Variants in UGGT2 observed in about 807,000 individuals in gnomAD.
UGGT2 encodes the protein UDP-glucose:glycoprotein glucosyltransferase 2.
UGGT2 carries 180 observed loss-of-function variants against 192.1 expected under a neutral mutation model. The observed-to-expected ratio is 0.94, with a 90% CI of 0.83 to 1.06. The LOEUF (loss-of-function observed/expected upper bound fraction) is 1.06. UGGT2 is among the 50% of genes least tolerant of loss of function. The pLI, the probability that UGGT2 is intolerant of heterozygous loss-of-function variation, is 0.00. For missense variants in UGGT2, 1,849 were observed against 1,795.7 expected (o/e 1.03, Z -0.54); for synonymous variants, 580 against 591.0 (o/e 0.98, Z 0.27).
At chr13:95,843,969 TA>T (rs1251894999) in intron 36 of UGGT2, among the ~76,000 whole-genome samples, 2 of 152,150 alleles carry the variant, frequency 1.3e-5, no homozygotes, top group Non-Finnish European at 2.9e-5. Context: ...TTTAATTATT[TA>T]TTTTTTTGAG....
intron 29 of UGGT2, among the ~76,000 whole-genome samples, chr13:95,867,972 C>G (rs1255346961): frequency 6.6e-6 from 1 of 151,984 alleles, no homozygotes; most frequent in Non-Finnish European, 1.5e-5. Context: ...CAGTTTTTTT[C>G]TCCCATTTTC....
At chr13:96,029,803 A>G (rs1397962992) in intron 2 of UGGT2, among the ~76,000 whole-genome samples, 2 of 152,156 alleles carry the variant, frequency 1.3e-5, no homozygotes, top group Non-Finnish European at 2.9e-5. Flanking sequence ...TACAGGAGTA[A>G]TTTTTAAGAT....
intron 11 of UGGT2, 23 bp downstream of exon 11, chr13:95,972,557 T>C: frequency 6.5e-7 from 1 of 1,544,326 alleles, no homozygotes; most frequent in East Asian, 2.3e-5. Flanking sequence ...ATAGTTCATT[T>C]ACAGCAATAA....
chr13:95,863,573 C>T lies in UGGT2; in HGVS notation c.3644+56G>A, dbSNP rs1365833475. 4.2e-6 allele frequency: 6 copies of T among 1,413,278 alleles called. 1 individual carries two copies. The highest frequency in any genetic ancestry group is 3.0e-6 in the Non-Finnish European group (3 of 1,003,252). The allele number at this position is 1,413,278 out of a possible 1,614,324, so 87.5% of individuals were successfully genotyped here. A position where few individuals can be genotyped will look rare whatever the true frequency, so the allele number is the denominator to read the frequency against. ...ATTTTCACTACCTGTGGAACTTCCACATACTAGACTTCTGGATCAATCTAG... is the reference window on the plus strand; with the variant it reads ...ATTTTCACTACCTGTGGAACTTCCATATACTAGACTTCTGGATCAATCTAG... On this transcript the variant is annotated intron_variant, in intron 31 of 38. Coordinates refer to ENST00000376747, the MANE Select transcript of UGGT2 (RefSeq NM_020121.4).
At chr13:95,829,420 C>T (rs1052221138) in intron 38 of UGGT2, among the ~76,000 whole-genome samples, 7 of 152,084 alleles carry the variant, frequency 4.6e-5, no homozygotes, top group Non-Finnish European at 1.5e-5. Flanking sequence ...TTTAGAAAAC[C>T]CCATCGTCTC....
chr13:95,933,084 A>T (rs1458718340), intron 17 of UGGT2, among the ~76,000 whole-genome samples: 3 of 152,188 alleles, frequency 2.0e-5, no homozygotes, highest in Admixed American at 6.5e-5. Context: ...AGGATAACAC[A>T]GGTTTTGCAG....
chr13:95,870,624 A>G (rs1891135291), intron 29 of UGGT2, among the ~76,000 whole-genome samples: 2 of 152,152 alleles, frequency 1.3e-5, no homozygotes, highest in African/African-American at 2.4e-5. Context: ...TTTGTTCTCA[A>G]GCATTCCTAG....
At chr13:96,011,231 T>A (rs376701800) in intron 5 of UGGT2, among the ~76,000 whole-genome samples, 1 of 152,046 alleles carries the variant, frequency 6.6e-6, no homozygotes, top group Non-Finnish European at 1.5e-5. Context: ...AACAAAAAAA[T>A]GATGAACTGG....
At chr13:95,927,958 G>A (rs2049085505) in intron 17 of UGGT2, among the ~76,000 whole-genome samples, 1 of 152,170 alleles carries the variant, frequency 6.6e-6, no homozygotes, top group African/African-American at 2.4e-5. Flanking sequence ...CACAGCACAT[G>A]TTTCAGAGAG....
intron 2 of UGGT2, among the ~76,000 whole-genome samples, 154 bp from the exon 3 acceptor site, chr13:96,023,913 G>A (rs765633354): frequency 1.8e-4 from 27 of 152,228 alleles, no homozygotes; most frequent in South Asian, 4.1e-4. Context: ...CAAGATCTCA[G>A]TTCTATAATC....
At chr13:95,922,059 A>T (rs2048860966) in intron 20 of UGGT2, among the ~76,000 whole-genome samples, 1 of 152,236 alleles carries the variant, frequency 6.6e-6, no homozygotes, top group Non-Finnish European at 1.5e-5. Context: ...AATAAAGAAA[A>T]TGTGACTCAT....
At chr13:95,843,939 GATTTT>G (rs1464508196) in intron 36 of UGGT2, among the ~76,000 whole-genome samples, 1 of 151,912 alleles carries the variant, frequency 6.6e-6, no homozygotes, top group Non-Finnish European at 1.5e-5. Context: ...TTGTTTTGGT[GATTTT>G]ATTTTTTATT....
intron 27 of UGGT2, among the ~76,000 whole-genome samples, chr13:95,881,636 G>A (rs2047498958): frequency 6.6e-6 from 1 of 152,082 alleles, no homozygotes; most frequent in Non-Finnish European, 1.5e-5. Flanking sequence ...GTTTCAGAGG[G>A]ATTAATGCAT....
rs374996873 is a variant in UGGT2 at position 95,895,237 on chromosome 13, C to T, written c.2702G>A (p.Ser901Asn). 3 of 1,576,736 alleles carry T rather than the reference C, an allele frequency of 1.9e-6. No homozygotes were observed. Among genetic ancestry groups the T allele is most frequent in the African/African-American group, 2.7e-5 (2 of 73,184 alleles). Residue 901 changes from serine to asparagine, a missense_variant, in exon 23 of 39, where the codon AGT becomes AAT. Transcript: ENST00000376747. Reference sequence around the variant, plus strand: ...GCCTTTAATTTTCTCTCCTAAATTACTAAATGTTATCTTTTCCAACAAGTA... The same window carrying T: ...GCCTTTAATTTTCTCTCCTAAATTATTAAATGTTATCTTTTCCAACAAGTA... Reference protein sequence around the residue: ...DFYLLEKITFSNLGEKIKGIV... With the variant: ...DFYLLEKITFNNLGEKIKGIV...
chr13:95,977,455 C>G (rs764686695), intron 10 of UGGT2, among the ~76,000 whole-genome samples: 1 of 152,086 alleles, frequency 6.6e-6, no homozygotes, highest in Non-Finnish European at 1.5e-5. Context: ...AAAAAAAGTT[C>G]ATTATCACTA....
At chr13:96,051,593 T>C (rs2053487581) in intron 1 of UGGT2, among the ~76,000 whole-genome samples, 1 of 150,876 alleles carries the variant, frequency 6.6e-6, no homozygotes, top group African/African-American at 2.4e-5. Context: ...TCTATACATC[T>C]GAAAAAGGAT....
At chr13:95,924,592 G>C (rs927714031) in intron 20 of UGGT2, among the ~76,000 whole-genome samples, 1 of 151,866 alleles carries the variant, frequency 6.6e-6, no homozygotes, top group African/African-American at 2.4e-5. Flanking sequence ...GCCCTGTAAA[G>C]CACCTTTCAT....
chr13:95,869,606 T>A (rs867871788), intron 29 of UGGT2, among the ~76,000 whole-genome samples: 22 of 152,184 alleles, frequency 1.4e-4, no homozygotes, highest in South Asian at 2.1e-4. Flanking sequence ...TTGAGGAAAG[T>A]ACAATTATTA....
chr13:95,998,400 C>G (rs930085784), intron 6 of UGGT2, among the ~76,000 whole-genome samples: 7 of 151,926 alleles, frequency 4.6e-5, no homozygotes, highest in Admixed American at 3.9e-4. Context: ...ACTCTTTAAC[C>G]AAAAATATTT....
Sources: allele counts gnomAD v4.1 joint callset (sites outside exome capture counted in the v4.1 genomes callset), GRCh38; gene constraint gnomAD v4.1.1; transcripts MANE v1.5; gene names NCBI Gene and HGNC (gene_info 2026-07-23, HGNC 2026-07-21).